OPCML: variants seen among roughly 807,000 people sequenced by gnomAD.
OPCML encodes the protein opioid-binding protein/cell adhesion molecule.
In OPCML, 13 loss-of-function variants were observed where a neutral mutation model predicts 37.8. The ratio of observed to expected loss-of-function variants is 0.34; its 90% CI spans 0.22 to 0.55. The LOEUF (loss-of-function observed/expected upper bound fraction) is 0.55. Among genes scored for constraint, OPCML ranks in the 20% least tolerant of loss-of-function variants. The pLI, the probability that OPCML is intolerant of heterozygous loss-of-function variation, is 0.91. For synonymous variants in OPCML, 176 were observed against 168.8 expected (o/e 1.04, Z -0.33); for missense variants, 341 against 435.6 (o/e 0.78, Z 1.93).
At chr11:132,501,290 C>A (rs2096245035) in intron 4 of OPCML, among the ~76,000 whole-genome samples, 1 of 152,170 alleles carries the variant, frequency 6.6e-6, no homozygotes, top group Non-Finnish European at 1.5e-5. Flanking sequence ...GAAGAAAAAC[C>A]TAGGCAATAC....
At chr11:133,307,868 T>C (rs1278777931) in intron 1 of OPCML, among the ~76,000 whole-genome samples, 2 of 152,146 alleles carry the variant, frequency 1.3e-5, no homozygotes, top group Admixed American at 1.3e-4. Flanking sequence ...TTTTAAATTT[T>C]ACCTCCCAAG....
At chr11:133,085,020 C>T (rs904415178) in intron 1 of OPCML, among the ~76,000 whole-genome samples, 1 of 152,200 alleles carries the variant, frequency 6.6e-6, no homozygotes, top group Admixed American at 6.5e-5. Flanking sequence ...CTCATTCCTA[C>T]TTACTTTTCT....
At chr11:132,942,891 A>AGGGGCTC (rs145368132) in intron 2 of OPCML, 35 bp downstream of exon 2, 192,409 of 1,611,796 alleles carry the variant, frequency 0.12, 13,745 homozygotes, top group African/African-American at 0.33. Context: ...ACCACAGCCC[A>AGGGGCTC]GGGGCTCGGC....
chr11:132,422,002 G>A (rs2095960979), intron 7 of OPCML, among the ~76,000 whole-genome samples: 1 of 151,714 alleles, frequency 6.6e-6, no homozygotes, highest in Non-Finnish European at 1.5e-5. Context: ...AAACATATGG[G>A]CAGATTCATA....
intron 4 of OPCML, among the ~76,000 whole-genome samples, chr11:132,452,668 C>T (rs2096071686): frequency 6.6e-6 from 1 of 151,996 alleles, no homozygotes; most frequent in Non-Finnish European, 1.5e-5. Flanking sequence ...TGTCCTCCCT[C>T]ACTTCCTTTG....
intron 1 of OPCML, among the ~76,000 whole-genome samples, chr11:133,194,955 T>G (rs1366947785): frequency 6.6e-6 from 1 of 152,172 alleles, no homozygotes; most frequent in Non-Finnish European, 1.5e-5. Flanking sequence ...TCACGTAGCC[T>G]TTCATGATTA....
chr11:132,865,099 T>G (rs543569314), intron 2 of OPCML, among the ~76,000 whole-genome samples: 1 of 152,248 alleles, frequency 6.6e-6, no homozygotes, highest in East Asian at 1.9e-4. Flanking sequence ...TCATTCTTTT[T>G]TCCTTTTTAA....
In OPCML at chr11:133,157,200, T is replaced by C. The variant is rs149749847; in HGVS notation, c.62-214190A>G. Among the ~76,000 whole-genome samples the C allele has an allele frequency of 3.6e-3, 551 of 152,306 alleles. 1 individual carries two copies. Among genetic ancestry groups the C allele is most frequent in the Non-Finnish European group, 5.6e-3 (381 of 68,010 alleles). On this transcript the variant is annotated intron_variant, in intron 1 of 7. Coordinates refer to ENST00000524381, the MANE Select transcript of OPCML (RefSeq NM_001012393.5). ...AGAAAAAGTCGGCGCGCACACGGTG[T>C]ACTGCGGGCACCACGGGCAGGCTGT...
intron 4 of OPCML, among the ~76,000 whole-genome samples, chr11:132,496,866 G>A (rs368205977): frequency 2.0e-5 from 3 of 152,158 alleles, no homozygotes; most frequent in Non-Finnish European, 4.4e-5. Context: ...TAGGTTTGAC[G>A]ATGCCCTACA....
At chr11:133,264,093 T>A (rs1210205910) in intron 1 of OPCML, among the ~76,000 whole-genome samples, 1 of 152,156 alleles carries the variant, frequency 6.6e-6, no homozygotes, top group East Asian at 1.9e-4. Context: ...ATATTGATAT[T>A]GAAAAACAGA....
At chr11:133,465,450 CTA>C (rs1197727123) in intron 1 of OPCML, among the ~76,000 whole-genome samples, 1 of 152,180 alleles carries the variant, frequency 6.6e-6, no homozygotes, top group Non-Finnish European at 1.5e-5. Context: ...CTGTCTATCA[CTA>C]TGTGTGTAGA....
chr11:132,987,706 T>C (rs1338036470), intron 1 of OPCML, among the ~76,000 whole-genome samples: 1 of 152,058 alleles, frequency 6.6e-6, no homozygotes, highest in African/African-American at 2.4e-5. Flanking sequence ...GAGAAATGAA[T>C]GAATGCGTGG....
At chr11:132,603,162 T>A (rs981185917) in intron 3 of OPCML, among the ~76,000 whole-genome samples, 1 of 152,188 alleles carries the variant, frequency 6.6e-6, no homozygotes. Flanking sequence ...TCTTCCTAAA[T>A]CTGTATGTCC....
intron 1 of OPCML, among the ~76,000 whole-genome samples, chr11:133,250,404 GAAGAAGGAAGGAAGGAAGGA>G (rs990053993): frequency 3.3e-5 from 5 of 149,784 alleles, no homozygotes; most frequent in Admixed American, 1.3e-4. Flanking sequence ...AAGAAGGAAA[GAAGAAGGAAGGAAGGAAGGA>G]AAGAAGGAAG....
At chr11:132,784,846 C>T (rs1054846551) in intron 2 of OPCML, among the ~76,000 whole-genome samples, 2 of 152,088 alleles carry the variant, frequency 1.3e-5, no homozygotes, top group African/African-American at 4.8e-5. Flanking sequence ...TTGGAAGCTC[C>T]CTGAGGTTCT....
rs80175847 is a variant in OPCML at position 133,038,706 on chromosome 11, G to A, written c.62-95696C>T. On this transcript the variant is annotated intron_variant, in intron 1 of 7. Transcript: ENST00000524381. ...CTAGCAAGTGGCAGGGCTGAGTTAC[G>A]ATCCCACAACTCTCTGCTGTCTAAG... is the stretch of plus-strand genomic sequence containing the variant. Among the ~76,000 whole-genome samples, 975 of 151,970 alleles carry A rather than the reference G, an allele frequency of 6.4e-3. 3 individuals are homozygous for A. The highest frequency in any genetic ancestry group is 8.4e-3 in the Non-Finnish European group (573 of 67,998).
intron 1 of OPCML, among the ~76,000 whole-genome samples, chr11:133,330,848 TA>T (rs1007775975): frequency 2.0e-5 from 3 of 152,062 alleles, no homozygotes; most frequent in Admixed American, 1.3e-4. Flanking sequence ...TAATAAAATT[TA>T]AAAAAATGTT....
chr11:132,429,764 A>G (rs1418814173), intron 7 of OPCML, among the ~76,000 whole-genome samples: 2 of 152,170 alleles, frequency 1.3e-5, no homozygotes, highest in Non-Finnish European at 2.9e-5. Context: ...TTTCGATTAA[A>G]TGATTCTGGG....
intron 2 of OPCML, among the ~76,000 whole-genome samples, chr11:132,804,068 A>G (rs1938848556): frequency 6.6e-6 from 1 of 152,204 alleles, no homozygotes; most frequent in African/African-American, 2.4e-5. Flanking sequence ...TTAAAATATC[A>G]AATATAATTG....
Sources: gnomAD v4.1 joint callset for allele counts (sites outside exome capture counted in the v4.1 genomes callset) on GRCh38, gnomAD v4.1.1 for gene constraint, MANE v1.5 for transcripts, NCBI Gene and HGNC (gene_info 2026-07-23, HGNC 2026-07-21) for gene names.